Variants in IL1RAPL2 observed in about 807,000 individuals in gnomAD.
The protein encoded by IL1RAPL2 is interleukin 1 receptor accessory protein like 2.
IL1RAPL2 carries 3 observed loss-of-function variants against 44.1 expected under a neutral mutation model. The observed-to-expected ratio is 0.07, with a 90% confidence interval of 0.03 to 0.18. IL1RAPL2 has a LOEUF of 0.18. Ranked by LOEUF, IL1RAPL2 falls within the 10% of genes least tolerant of loss-of-function variation. The pLI is 1.00. For synonymous variants in IL1RAPL2, 181 were observed against 178.8 expected (o/e 1.01, Z -0.10); for missense variants, 391 against 496.4 (o/e 0.79, Z 2.02).
At chrX:105,754,244 A>G (rs1199864732) in intron 9 of IL1RAPL2, among the ~76,000 whole-genome samples, 2 of 112,375 alleles carry the variant, frequency 1.8e-5, no homozygotes, top group Non-Finnish European at 3.8e-5. Flanking sequence ...TTTTTTAATA[A>G]GGGAATTTTG....
intron 2 of IL1RAPL2, among the ~76,000 whole-genome samples, chrX:105,031,276 C>T (rs1400514234): frequency 9.3e-6 from 1 of 107,266 alleles, no homozygotes; most frequent in Admixed American, 1.0e-4. Flanking sequence ...ACTTCCAACA[C>T]TATGTTGAAT....
At position 105,291,679 on chromosome X, in the gene IL1RAPL2, A is replaced by AT. The variant is rs201491797; in HGVS notation, c.697+24145dup. Among the ~76,000 whole-genome samples, 110 of 111,265 alleles carry AT rather than the reference A, an allele frequency of 9.9e-4. No homozygotes were observed. The Middle Eastern group carries it at 0.019, about 19-fold the overall frequency. ...TCCAACTCCTTACCTAGATATAATC[A>AT]TTTTTTTCAGTTTCATGGATATCCT... On this transcript the variant is annotated intron_variant, in intron 5 of 10. Transcript: ENST00000372582.
intron 2 of IL1RAPL2, among the ~76,000 whole-genome samples, chrX:105,038,938 A>G (rs1254951074): frequency 8.9e-6 from 1 of 111,881 alleles, no homozygotes; most frequent in African/African-American, 3.3e-5. Flanking sequence ...CTAAAGTAGT[A>G]TATTAGAGAG....
chrX:105,649,578 G>C, intron 6 of IL1RAPL2, among the ~76,000 whole-genome samples: 1 of 111,530 alleles, frequency 9.0e-6, no homozygotes, highest in Non-Finnish European at 1.9e-5. Flanking sequence ...ATATTGGCCA[G>C]GCTCAAATCA....
chrX:104,855,681 G>GTGTTTTTTTTTTTTTTTTTTTTTT lies in IL1RAPL2; in HGVS notation c.82+196687_82+196688insGTTTTTTTTTTTTTTTTTTTTTTT. On this transcript the variant is annotated intron_variant, in intron 2 of 10. Transcript: ENST00000372582. ...TTAACTGTGCTAAGGATCTGGATCCGTTTTTTTTTTTTTTTTTACTGTATC... is the reference window on the plus strand; with the variant it reads ...TTAACTGTGCTAAGGATCTGGATCCGTGTTTTTTTTTTTTTTTTTTTTTTTTTTTTTTTTTTTTTTTACTGTATC... Among the ~76,000 whole-genome samples the GTGTTTTTTTTTTTTTTTTTTTTTT allele has an allele frequency of 7.6e-4, 41 of 53,859 alleles. 10 individuals carry two copies. Among genetic ancestry groups the GTGTTTTTTTTTTTTTTTTTTTTTT allele is most frequent in the South Asian group, 1.5e-3 (2 of 1,316 alleles). The allele number at this position is 53,859 out of a possible 115,157, so 46.8% of individuals were successfully genotyped here.
At chrX:104,774,775 A>G (rs1281671900) in intron 2 of IL1RAPL2, among the ~76,000 whole-genome samples, 1 of 112,482 alleles carries the variant, frequency 8.9e-6, no homozygotes, top group East Asian at 2.8e-4. Context: ...AATAATAGGT[A>G]AGTGCATTGT....
intron 2 of IL1RAPL2, among the ~76,000 whole-genome samples, chrX:104,729,627 A>G (rs1444959680): frequency 9.3e-6 from 1 of 108,024 alleles, no homozygotes; most frequent in African/African-American, 3.5e-5. Flanking sequence ...ATAGTACCCA[A>G]TAGTTTTTTT....
intron 2 of IL1RAPL2, among the ~76,000 whole-genome samples, chrX:104,666,745 C>T (rs1339548181): frequency 9.0e-6 from 1 of 111,625 alleles, no homozygotes; most frequent in Admixed American, 9.6e-5. Context: ...CTGACTTCTA[C>T]AGGTGTAATT....
At chrX:105,467,984 C>G (rs1740528256) in intron 5 of IL1RAPL2, among the ~76,000 whole-genome samples, 1 of 111,649 alleles carries the variant, frequency 9.0e-6, no homozygotes, top group Non-Finnish European at 1.9e-5. Context: ...AACTAGCCTT[C>G]TAGGTAATTC....
chrX:105,345,096 A>G (rs2035100286), intron 5 of IL1RAPL2, among the ~76,000 whole-genome samples: 1 of 111,902 alleles, frequency 8.9e-6, no homozygotes, highest in African/African-American at 3.2e-5. Context: ...TATAAAAATG[A>G]GAACCGAGTT....
chrX:105,322,594 C>T (rs942970955), intron 5 of IL1RAPL2, among the ~76,000 whole-genome samples: 1 of 112,010 alleles, frequency 8.9e-6, no homozygotes. Flanking sequence ...TTACATGTCT[C>T]TCTCCATCAG....
rs960856926 is a variant in IL1RAPL2 at position 104,578,804 on chromosome X, C to T, written c.-20+11753C>T. ...TATAGAGATATAGAAAAATGAGTCACGTGAAAATGAGACAATTTTCATATT... is the reference window on the plus strand; with the variant it reads ...TATAGAGATATAGAAAAATGAGTCATGTGAAAATGAGACAATTTTCATATT... On this transcript the variant is annotated intron_variant, in intron 1 of 10. Transcript: ENST00000372582. 1.0e-4 allele frequency among the ~76,000 whole-genome samples: 11 copies of T among 110,475 alleles called. No homozygotes were observed. In the East Asian group the frequency reaches 1.7e-3, roughly 17 times the overall value.
rs951496979 is a variant in IL1RAPL2 at position 105,565,493 on chromosome X, A to C, written c.772+81106A>C. 7.1e-5 allele frequency among the ~76,000 whole-genome samples: 8 copies of C among 112,138 alleles called. No individual in the cohort carries two copies. In the East Asian group the frequency reaches 2.3e-3, roughly 32 times the overall value. Reference sequence around the variant, plus strand: ...CTATGACATCTACCACCAGTGGCCCATTTGTAAAATATGTGTAGTGTCATT... The same window carrying C: ...CTATGACATCTACCACCAGTGGCCCCTTTGTAAAATATGTGTAGTGTCATT... On this transcript the variant is annotated intron_variant, in intron 6 of 10. Transcript: ENST00000372582.
At chrX:105,293,096 C>T (rs956842288) in intron 5 of IL1RAPL2, among the ~76,000 whole-genome samples, 2 of 70,416 alleles carry the variant, frequency 2.8e-5, no homozygotes, top group African/African-American at 1.3e-4. Context: ...CCAGCCTAGG[C>T]GACAGAGCAC....
chrX:105,572,983 G>T (rs1207966461), intron 6 of IL1RAPL2, among the ~76,000 whole-genome samples: 1 of 111,616 alleles, frequency 9.0e-6, no homozygotes, highest in Non-Finnish European at 1.9e-5. Context: ...ATCATGAAGA[G>T]ATTTGTACAC....
intron 5 of IL1RAPL2, among the ~76,000 whole-genome samples, chrX:105,275,517 A>G (rs1485590741): frequency 8.9e-6 from 1 of 112,099 alleles, no homozygotes; most frequent in Non-Finnish European, 1.9e-5. Flanking sequence ...GGATTTGTTG[A>G]CTAATTAATA....
At chrX:104,804,000 T>C (rs1932903401) in intron 2 of IL1RAPL2, 1 of 113,217 alleles carries the variant, frequency 8.8e-6, no homozygotes, top group Non-Finnish European at 1.9e-5. Context: ...CTCTACCACA[T>C]GCAAATCTTT....
intron 5 of IL1RAPL2, among the ~76,000 whole-genome samples, chrX:105,320,927 T>C (rs2034892794): frequency 9.0e-6 from 1 of 111,460 alleles, no homozygotes; most frequent in South Asian, 3.8e-4. Flanking sequence ...ATAAACACCA[T>C]CTCTCTCTGG....
At chrX:105,500,373 T>G (rs749411645) in intron 6 of IL1RAPL2, among the ~76,000 whole-genome samples, 1 of 110,725 alleles carries the variant, frequency 9.0e-6, no homozygotes, top group Non-Finnish European at 1.9e-5. Context: ...TACAAAACAG[T>G]TGGTGAGAAG....
Sources: gnomAD v4.1 joint callset for allele counts (sites outside exome capture counted in the v4.1 genomes callset) on GRCh38, gnomAD v4.1.1 for gene constraint, MANE v1.5 for transcripts, NCBI Gene and HGNC (gene_info 2026-07-23, HGNC 2026-07-21) for gene names.